Variants in SPACA7 observed in about 807,000 individuals in gnomAD.
SPACA7 encodes sperm acrosome associated 7.
SPACA7 carries 19 observed loss-of-function variants against 26.3 expected under a neutral mutation model. The ratio of observed to expected loss-of-function variants is 0.72; its 90% CI spans 0.50 to 1.06. The LOEUF is 1.06. Ranked by LOEUF, SPACA7 falls within the 50% of genes least tolerant of loss-of-function variation. The pLI is 0.00. For missense variants in SPACA7, 211 were observed against 229.9 expected, an observed-to-expected ratio of 0.92 and a Z score of 0.53; for synonymous variants, 84 against 84.5, an observed-to-expected ratio of 0.99 and a Z score of 0.04.
intron 5 of SPACA7, among the ~76,000 whole-genome samples, chr13:112,430,415 G>A (rs1287826786): frequency 6.6e-6 from 1 of 152,072 alleles, no homozygotes; most frequent in East Asian, 1.9e-4. Flanking sequence ...CCGATATATG[G>A]GAAAGCACTG....
Position 112,433,578 on chromosome 13 carries a change from G to A in SPACA7, c.524-907G>A, listed in dbSNP as rs560022170. Among the ~76,000 whole-genome samples, 78 of 151,558 alleles carry A rather than the reference G, an allele frequency of 5.1e-4. No homozygotes were observed. In the South Asian group the frequency reaches 0.01, roughly 20 times the overall value. On this transcript the variant is annotated intron_variant, in intron 6 of 6. Coordinates refer to ENST00000283550, the MANE Select transcript of SPACA7 (RefSeq NM_145248.5). The stretch of plus-strand genomic sequence containing the variant: ...ACAAGCGTGGGAAGCCGGCCAGCTC[G>A]TCCTTTGTTAAAATGCCGAAGAGGA...
At chr13:112,396,406 AT>A (rs1885258106) in intron 2 of SPACA7, among the ~76,000 whole-genome samples, 1 of 152,120 alleles carries the variant, frequency 6.6e-6, no homozygotes, top group African/African-American at 2.4e-5. Context: ...CTGGGAGCCC[AT>A]CTGCCCTTGG....
In SPACA7 at chr13:112,399,186, C is replaced by G; in HGVS notation, c.349+13C>G. The G allele has an allele frequency of 7.5e-7, 1 of 1,335,626 alleles. No homozygotes were observed. The highest frequency in any genetic ancestry group is 1.1e-6 in the Non-Finnish European group (1 of 925,990). The allele number at this position is 1,335,626 out of a possible 1,614,324, so 82.7% of individuals were successfully genotyped here. A position where few individuals can be genotyped will look rare whatever the true frequency, so the allele number is the denominator to read the frequency against. On this transcript the variant is annotated intron_variant, in intron 4 of 6. Coordinates refer to ENST00000283550, the MANE Select transcript of SPACA7 (RefSeq NM_145248.5). ...ATTTCCAATGATGGTAAATGCAACCCAGTAATTACCCCTTCCCAAGTCCAG... is the reference window on the plus strand; with the variant it reads ...ATTTCCAATGATGGTAAATGCAACCGAGTAATTACCCCTTCCCAAGTCCAG...
In SPACA7 at chr13:112,383,094, GAAAGA is replaced by G. The variant is rs1884214318; in HGVS notation, c.94+6617_94+6621del. On this transcript the variant is annotated intron_variant, in intron 1 of 6. Transcript: ENST00000283550. ...AGAGAAAGAAAGAAAAAGAAAGAAA[GAAAGA>G]AGAAAGAAAAGAAAAGAAAAGAAAA... Among the ~76,000 whole-genome samples the G allele has an allele frequency of 1.3e-4, 7 of 51,980 alleles. No individual in the cohort carries two copies. The South Asian group carries it at 7.3e-3, about 54-fold the overall frequency. 34.1% of individuals were successfully genotyped at this position (51,980 alleles called of 152,430 possible). A position where few individuals can be genotyped will look rare whatever the true frequency, so the allele number is the denominator to read the frequency against.
chr13:112,378,014 G>T (rs955562676), intron 1 of SPACA7, among the ~76,000 whole-genome samples: 3 of 152,176 alleles, frequency 2.0e-5, no homozygotes, highest in East Asian at 3.8e-4. Context: ...TTTGCAGGGG[G>T]TGTGTCCTTG....
intron 5 of SPACA7, among the ~76,000 whole-genome samples, chr13:112,423,026 T>G (rs1876141952): frequency 6.6e-6 from 1 of 152,192 alleles, no homozygotes; most frequent in Admixed American, 6.5e-5. Context: ...ATTTTACATT[T>G]TCAGCAACTG....
intron 5 of SPACA7, among the ~76,000 whole-genome samples, chr13:112,427,919 T>C (rs1279167534): frequency 1.3e-5 from 2 of 152,208 alleles, no homozygotes; most frequent in Non-Finnish European, 2.9e-5. Context: ...TGTATCTTTC[T>C]AAAAATCCTA....
chr13:112,385,509 T>C (rs12856443), intron 1 of SPACA7, among the ~76,000 whole-genome samples: 2 of 152,174 alleles, frequency 1.3e-5, no homozygotes, highest in African/African-American at 4.8e-5. Flanking sequence ...GGTCTGACTC[T>C]TTTCAGCATA....
At chr13:112,391,820 T>C (rs1429082904) in intron 1 of SPACA7, among the ~76,000 whole-genome samples, 3 of 152,222 alleles carry the variant, frequency 2.0e-5, no homozygotes, top group South Asian at 2.1e-4. Flanking sequence ...TTAATGATCA[T>C]TAATGTCTCA....
chr13:112,403,193 G>A (rs1390045028), intron 5 of SPACA7, among the ~76,000 whole-genome samples: 6 of 151,860 alleles, frequency 4.0e-5, no homozygotes, highest in Admixed American at 3.9e-4. Flanking sequence ...TTAATCAATG[G>A]GGTCAATTTA....
chr13:112,422,079 GA>G (rs35761276), intron 5 of SPACA7, among the ~76,000 whole-genome samples: 54,133 of 151,752 alleles, frequency 0.36, 12,065 homozygotes, highest in East Asian at 0.63. Flanking sequence ...AAAACTTGGA[GA>G]AAAATAAATG....
At chr13:112,397,522 T>C (rs1409882959) in intron 2 of SPACA7, among the ~76,000 whole-genome samples, 3 of 152,210 alleles carry the variant, frequency 2.0e-5, no homozygotes. Context: ...AGGACGCTTG[T>C]CCAAGATCAC....
intron 5 of SPACA7, among the ~76,000 whole-genome samples, chr13:112,426,704 T>C (rs931034299): frequency 6.6e-6 from 1 of 152,254 alleles, no homozygotes; most frequent in Non-Finnish European, 1.5e-5. Flanking sequence ...ATTTTTAGTA[T>C]ACATAGAAAT....
At chr13:112,398,798 C>G (rs946334911) in intron 3 of SPACA7, among the ~76,000 whole-genome samples, 1 of 152,226 alleles carries the variant, frequency 6.6e-6, no homozygotes, top group African/African-American at 2.4e-5. Context: ...GTTCAGCACT[C>G]TTGAAATCTT....
At chr13:112,417,647 G>A (rs566519826) in intron 5 of SPACA7, among the ~76,000 whole-genome samples, 56 of 152,180 alleles carry the variant, frequency 3.7e-4, no homozygotes, top group African/African-American at 1.3e-3. Flanking sequence ...AAATTCACAT[G>A]TGCTTTTTAA....
intron 5 of SPACA7, among the ~76,000 whole-genome samples, chr13:112,402,920 C>A (rs1453981403): frequency 6.6e-6 from 1 of 151,958 alleles, no homozygotes; most frequent in Non-Finnish European, 1.5e-5. Flanking sequence ...ATTTTTGCAT[C>A]CAAATACACA....
intron 4 of SPACA7, among the ~76,000 whole-genome samples, chr13:112,400,650 G>C (rs999300918): frequency 6.6e-6 from 1 of 152,230 alleles, no homozygotes; most frequent in Non-Finnish European, 1.5e-5. Context: ...GCAAATCACA[G>C]ATCCGTGCAA....
At chr13:112,432,216 G>A (rs939198746) in intron 5 of SPACA7, among the ~76,000 whole-genome samples, 2 of 152,204 alleles carry the variant, frequency 1.3e-5, no homozygotes, top group South Asian at 2.1e-4. Context: ...AGGACTCCAC[G>A]CATTGCTTCG....
intron 4 of SPACA7, among the ~76,000 whole-genome samples, chr13:112,400,560 G>T (rs1049027188): frequency 6.6e-6 from 1 of 152,180 alleles, no homozygotes; most frequent in Admixed American, 6.5e-5. Flanking sequence ...TGTGAGCCAA[G>T]AACTGGATGC....
Sources: gnomAD v4.1 joint callset for allele counts (sites outside exome capture counted in the v4.1 genomes callset) on GRCh38, gnomAD v4.1.1 for gene constraint, MANE v1.5 for transcripts, NCBI Gene and HGNC (gene_info 2026-07-23, HGNC 2026-07-21) for gene names.